Variants in SPEN observed in about 807,000 individuals in gnomAD.
The protein encoded by SPEN is spen family transcriptional repressor, also known as msx2-interacting protein.
In SPEN, 18 loss-of-function variants were observed where a neutral mutation model predicts 269.9. The ratio of observed to expected loss-of-function variants is 0.07; its 90% CI spans 0.05 to 0.10. SPEN has a LOEUF of 0.10. SPEN is among the 10% of genes least tolerant of loss of function. The pLI, the probability that SPEN is intolerant of heterozygous loss-of-function variation, is 1.00. For missense variants in SPEN, 3,822 were observed against 4,631.2 expected, an observed-to-expected ratio of 0.83 and a Z score of 5.07; for synonymous variants, 1,726 against 1,765.7, an observed-to-expected ratio of 0.98 and a Z score of 0.56.
chr1:15,888,983 T>C (rs2070764357), intron 3 of SPEN, among the ~76,000 whole-genome samples: 1 of 152,118 alleles, frequency 6.6e-6, no homozygotes, highest in Admixed American at 6.5e-5. Context: ...GTGATCTTGT[T>C]CTTTCCTTAT....
chr1:15,901,665 A>AAAAC, intron 3 of SPEN, among the ~76,000 whole-genome samples: 1 of 149,350 alleles, frequency 6.7e-6, no homozygotes, highest in East Asian at 2.0e-4. Context: ...AAAAAAAAAA[A>AAAAC]AAAACACCAA....
intron 3 of SPEN, among the ~76,000 whole-genome samples, chr1:15,907,617 C>A (rs1453669721): frequency 6.6e-6 from 1 of 152,112 alleles, no homozygotes; most frequent in East Asian, 1.9e-4. Flanking sequence ...TTTCCTGTAG[C>A]TAGTGTGCTT....
chr1:15,865,286 C>T (rs1270979429), intron 1 of SPEN, among the ~76,000 whole-genome samples: 1 of 151,856 alleles, frequency 6.6e-6, no homozygotes, highest in Non-Finnish European at 1.5e-5. Context: ...CTCCTGACCT[C>T]AGGTGATCTG....
At chr1:15,852,746 G>A (rs2070348326) in intron 1 of SPEN, among the ~76,000 whole-genome samples, 1 of 152,070 alleles carries the variant, frequency 6.6e-6, no homozygotes, top group Admixed American at 6.6e-5. Context: ...TTATGTAGGA[G>A]GTTTTTCCAA....
chr1:15,934,485 G>T lies in SPEN; in HGVS notation c.8245G>T (p.Ala2749Ser). 1 of 1,614,062 alleles carries T rather than the reference G, an allele frequency of 6.2e-7. No homozygotes were observed. Among genetic ancestry groups the T allele is most frequent in the Non-Finnish European group, 8.5e-7 (1 of 1,180,044 alleles). Residue 2749 changes from alanine (A) to serine (S), a missense_variant, in exon 11 of 15, where the codon GCA becomes TCA. By Grantham distance (99) the Ala-to-Ser change is moderately conservative. This residue lies in a region of SPEN where 329 missense variants were observed against 431.2 expected (regional missense o/e 0.76). Coordinates refer to ENST00000375759, the MANE Select transcript of SPEN (RefSeq NM_015001.3). The surrounding 1 kb of genome is among the most constrained non-coding windows in gnomAD (Gnocchi z 9.2). ...CGTCACAGCGGGTGCGGTTACTGCTGCATCTGGTGGTGTAACGGCCACAAC... is the reference window on the plus strand; with the variant it reads ...CGTCACAGCGGGTGCGGTTACTGCTTCATCTGGTGGTGTAACGGCCACAAC... ...VTVTAGAVTA[A>S]SGGVTATTGT...
At chr1:15,924,954 T>C (rs2071152621) in intron 10 of SPEN, among the ~76,000 whole-genome samples, 1 of 152,232 alleles carries the variant, frequency 6.6e-6, no homozygotes, top group African/African-American at 2.4e-5. Flanking sequence ...TTCCTTGCAG[T>C]AGACCTTGAG....
chr1:15,848,259 C>G lies in SPEN; in HGVS notation c.83+109C>G, dbSNP rs1327111267. On this transcript the variant is annotated intron_variant, in intron 1 of 14. Coordinates refer to ENST00000375759, the MANE Select transcript of SPEN (RefSeq NM_015001.3). The surrounding 1 kb of genome is among the most constrained non-coding windows in gnomAD (Gnocchi z 5.1). Reference sequence around the variant, plus strand: ...CGGAGCTGGTGAGGAGGACTCCGGCCCGGACCCACGGGCGCTGTGGGACCT... The same window carrying G: ...CGGAGCTGGTGAGGAGGACTCCGGCGCGGACCCACGGGCGCTGTGGGACCT... 2 of 676,210 alleles carry G rather than the reference C, an allele frequency of 3.0e-6. No individual in the cohort carries two copies. Among genetic ancestry groups the G allele is most frequent in the Middle Eastern group, 3.0e-4 (1 of 3,344 alleles). The allele number at this position is 676,210 out of a possible 1,614,324, so 41.9% of individuals were successfully genotyped here.
At chr1:15,923,374 G>A (rs1299648471) in intron 10 of SPEN, among the ~76,000 whole-genome samples, 1 of 152,178 alleles carries the variant, frequency 6.6e-6, no homozygotes. Context: ...TTATCAAGCT[G>A]TTTTTCCAGA....
rs751054823 is a variant in SPEN at position 15,937,320 on chromosome 1, C to T, written c.10184C>T (p.Thr3395Ile). The change falls in exon 12 of 15, where the codon ACC becomes ATC. Residue 3395 changes from threonine (T) to isoleucine (I), a missense_variant. Thr to Ile is a moderately conservative substitution (Grantham distance 89, BLOSUM62 -1). Around this residue, in one of 16 missense-constraint regions of SPEN, gnomAD observed 359 missense variants for 377.3 expected, o/e 0.95. Transcript: ENST00000375759. This position sits in a 1 kb window ranked among gnomAD's most constrained non-coding sequence, Gnocchi z 5.7. ...MPQVSQEAKG[T>I]QTGVEQPRLP... ...CAAGTGTCCCAGGAGGCAAAGGGGA[C>T]CCAGACGGGAGTAGAGCAGCCTCGC... The T allele has an allele frequency of 6.2e-7, 1 of 1,613,926 alleles. No individual in the cohort carries two copies. The highest frequency in any genetic ancestry group is 2.2e-5 in the East Asian group (1 of 44,844).
rs766201418 is a variant in SPEN at position 15,909,344 on chromosome 1, G to T, written c.905G>T (p.Ser302Ile). 1.4e-5 allele frequency: 23 copies of T among 1,612,578 alleles called. No homozygotes were observed. The highest frequency in any genetic ancestry group is 1.9e-5 in the Non-Finnish European group (23 of 1,179,532). ...AGCAGTGATTCCAGCAGTAGTTCAA[G>T]TGATGATTCTCCAGCTCGATCAGTT... ...SDSSDSSSSS[S>I]DDSPARSVQS... Residue 302 changes from serine to isoleucine, a missense_variant, in exon 4 of 15, where the codon AGT becomes ATT. Physicochemically the swap from Ser to Ile is moderately radical, Grantham distance 142. Coordinates refer to ENST00000375759, the MANE Select transcript of SPEN (RefSeq NM_015001.3).
intron 3 of SPEN, among the ~76,000 whole-genome samples, chr1:15,896,989 T>G (rs768945715): frequency 1.3e-5 from 2 of 152,214 alleles, no homozygotes; most frequent in East Asian, 1.9e-4. Context: ...AACATTAGTG[T>G]TGGTGGTTGG....
At chr1:15,853,898 C>G (rs563270350) in intron 1 of SPEN, among the ~76,000 whole-genome samples, 1 of 152,162 alleles carries the variant, frequency 6.6e-6, no homozygotes, top group East Asian at 1.9e-4. Context: ...CACTCCTGAT[C>G]TCGTGATTTG....
chr1:15,899,137 G>A (rs988749147), intron 3 of SPEN, among the ~76,000 whole-genome samples: 3 of 152,044 alleles, frequency 2.0e-5, no homozygotes, highest in African/African-American at 7.2e-5. Context: ...ATGCACAAGG[G>A]TTCCAATTTC....
chr1:15,905,143 C>T (rs916246748), intron 3 of SPEN, among the ~76,000 whole-genome samples: 1 of 151,942 alleles, frequency 6.6e-6, no homozygotes, highest in Non-Finnish European at 1.5e-5. Flanking sequence ...CTGCTTCAGC[C>T]TCCCAAAGTG....
At chr1:15,879,537 T>G (rs2070666485) in intron 3 of SPEN, among the ~76,000 whole-genome samples, 1 of 151,922 alleles carries the variant, frequency 6.6e-6, no homozygotes, top group South Asian at 2.1e-4. Context: ...GCCTGGGGAG[T>G]AAATTACAAT....
intron 10 of SPEN, among the ~76,000 whole-genome samples, chr1:15,926,027 T>C (rs1259518021): frequency 6.6e-6 from 1 of 152,226 alleles, no homozygotes; most frequent in Non-Finnish European, 1.5e-5. Context: ...GGAAGGATCA[T>C]CTTGAATCCA....
At chr1:15,891,757 TG>T (rs1288444589) in intron 3 of SPEN, among the ~76,000 whole-genome samples, 2 of 151,912 alleles carry the variant, frequency 1.3e-5, no homozygotes, top group African/African-American at 4.8e-5. Flanking sequence ...CCCAAAGCAC[TG>T]GGATTACATG....
chr1:15,855,076 A>G (rs970826989), intron 1 of SPEN, among the ~76,000 whole-genome samples: 5 of 152,228 alleles, frequency 3.3e-5, no homozygotes, highest in African/African-American at 1.2e-4. Context: ...GATTTGTATT[A>G]TATAGTTTAA....
At chr1:15,888,601 G>A (rs1457451105) in intron 3 of SPEN, among the ~76,000 whole-genome samples, 1 of 151,888 alleles carries the variant, frequency 6.6e-6, no homozygotes, top group East Asian at 1.9e-4. Context: ...TGGGATTATA[G>A]GCATGAGCTA....
Sources: allele counts gnomAD v4.1 joint callset (sites outside exome capture counted in the v4.1 genomes callset), GRCh38; gene constraint gnomAD v4.1.1; regional missense constraint gnomAD v4.1.1; non-coding constraint Gnocchi (gnomAD v3.1); transcripts MANE v1.5; gene names NCBI Gene and HGNC (gene_info 2026-07-23, HGNC 2026-07-21).